Variants in FAM222B observed in about 807,000 individuals in gnomAD.
FAM222B encodes the protein protein FAM222B.
In FAM222B, 12 loss-of-function variants were observed where a neutral mutation model predicts 38.0. The observed-to-expected ratio is 0.32, with a 90% CI of 0.20 to 0.51. The LOEUF (loss-of-function observed/expected upper bound fraction) is 0.51. Among genes scored for constraint, FAM222B ranks in the 20% least tolerant of loss-of-function variants. The pLI, the probability that FAM222B is intolerant of heterozygous loss-of-function variation, is 0.97. For synonymous variants in FAM222B, 329 were observed against 317.2 expected (o/e 1.04, Z -0.40); for missense variants, 716 against 754.2 (o/e 0.95, Z 0.59).
intron 1 of FAM222B, among the ~76,000 whole-genome samples, chr17:28,825,317 TC>T (rs1347240498): frequency 2.6e-5 from 4 of 150,948 alleles, no homozygotes; most frequent in Non-Finnish European, 5.9e-5. Context: ...GCACCTATGG[TC>T]CCAGCTACTT....
At chr17:28,827,302 G>T (rs1432707321) in intron 1 of FAM222B, among the ~76,000 whole-genome samples, 1 of 152,002 alleles carries the variant, frequency 6.6e-6, no homozygotes, top group Non-Finnish European at 1.5e-5. Flanking sequence ...AAGCTGCAGT[G>T]AGCTATGACA....
upstream of FAM222B, among the ~76,000 whole-genome samples, chr17:28,845,934 T>C (rs2152635737): frequency 6.6e-6 from 1 of 150,644 alleles, no homozygotes; most frequent in East Asian, 2.0e-4. Flanking sequence ...TTGGGCCTGG[T>C]GGCTCACGCC....
chr17:28,761,055 G>A (rs954270011), intron 2 of FAM222B, among the ~76,000 whole-genome samples: 1 of 152,172 alleles, frequency 6.6e-6, no homozygotes, highest in South Asian at 2.1e-4. Flanking sequence ...GTCTGTATTT[G>A]GTCCATGTCA....
At chr17:28,813,448 G>A (rs1024867050) in intron 1 of FAM222B, among the ~76,000 whole-genome samples, 5 of 152,162 alleles carry the variant, frequency 3.3e-5, no homozygotes, top group Middle Eastern at 3.4e-3. Flanking sequence ...ATAATAATAA[G>A]CAACAGTTGA....
At chr17:28,814,829 A>G (rs1287012379) in intron 1 of FAM222B, among the ~76,000 whole-genome samples, 1 of 144,868 alleles carries the variant, frequency 6.9e-6, no homozygotes, top group Non-Finnish European at 1.5e-5. Context: ...GCTGGAGTGC[A>G]ACAGCACAAT....
chr17:28,765,677 G>A (rs902155132), intron 2 of FAM222B, among the ~76,000 whole-genome samples: 1 of 152,152 alleles, frequency 6.6e-6, no homozygotes, highest in African/African-American at 2.4e-5. Context: ...GGGAGAGAAG[G>A]TAGGAAGGAG....
At chr17:28,830,990 CTTTTTT>C (rs56073818) in intron 1 of FAM222B, among the ~76,000 whole-genome samples, 142 of 117,734 alleles carry the variant, frequency 1.2e-3, no homozygotes, top group Middle Eastern at 4.3e-3. Context: ...GTGAATGTTT[CTTTTTT>C]TTTTTTTTTT....
chr17:28,825,060 G>A (rs1050491323), intron 1 of FAM222B, among the ~76,000 whole-genome samples: 7 of 151,700 alleles, frequency 4.6e-5, no homozygotes, highest in Admixed American at 2.0e-4. Context: ...CACTGTGCCC[G>A]CACTACAATC....
At chr17:28,764,390 C>T (rs752186542) in intron 2 of FAM222B, among the ~76,000 whole-genome samples, 2 of 151,914 alleles carry the variant, frequency 1.3e-5, no homozygotes, top group African/African-American at 2.4e-5. Context: ...TGCAGTGAGC[C>T]GAGATCGTGC....
At chr17:28,853,895 A>G (rs2039202467) in intron 1 of FAM222B, among the ~76,000 whole-genome samples, 1 of 151,414 alleles carries the variant, frequency 6.6e-6, no homozygotes, top group South Asian at 2.1e-4. Context: ...TGACTCTAAG[A>G]ACCTTCCTTC....
chr17:28,810,439 CTGTTTTATATACTAGCTAACTT>C (rs71135855), intron 1 of FAM222B, among the ~76,000 whole-genome samples: 99,919 of 130,020 alleles, frequency 0.77, 47,169 homozygotes, highest in African/African-American at 0.9. Flanking sequence ...CTAGCTAACT[CTGTTTTATATACTAGCTAACTT>C]TGTTTTATAT....
At chr17:28,787,056 T>C (rs574401640) in intron 1 of FAM222B, among the ~76,000 whole-genome samples, 279 of 152,024 alleles carry the variant, frequency 1.8e-3, no homozygotes, top group African/African-American at 6.7e-3. Context: ...TCCTGAGTAG[T>C]TGAGACTACA....
chr17:28,790,884 CT>C (rs60664262), intron 1 of FAM222B, among the ~76,000 whole-genome samples: 6,495 of 85,382 alleles, frequency 0.076, 1,841 homozygotes, highest in Non-Finnish European at 0.11. Flanking sequence ...AATTGTTTCA[CT>C]TTTTTTTTTT....
chr17:28,851,118 C>T (rs930907636), intron 1 of FAM222B, among the ~76,000 whole-genome samples: 4 of 151,546 alleles, frequency 2.6e-5, no homozygotes, highest in African/African-American at 9.7e-5. Flanking sequence ...GACTCCATCT[C>T]AAAACAAAAC....
chr17:28,792,725 G>A (rs1258874895), intron 1 of FAM222B, among the ~76,000 whole-genome samples: 1 of 149,712 alleles, frequency 6.7e-6, no homozygotes, highest in African/African-American at 2.5e-5. Context: ...AAGTTGCAGT[G>A]AGCCAACATC....
At chr17:28,772,561 A>G (rs1233401265) in intron 1 of FAM222B, among the ~76,000 whole-genome samples, 2 of 25,118 alleles carry the variant, frequency 8.0e-5, no homozygotes, top group African/African-American at 1.1e-4. Flanking sequence ...CATCTCTACT[A>G]AAAAAAAAAT....
chr17:28,756,911 AAAGGT>A lies in FAM222B; in HGVS notation c.*1354_*1358del, dbSNP rs1307257300. The A allele has an allele frequency of 4.6e-5, 7 of 152,470 alleles. No homozygotes were observed. The highest frequency in any genetic ancestry group is 1.7e-4 in the African/African-American group (7 of 41,450). 9.4% of individuals were successfully genotyped at this position (152,470 alleles called of 1,614,324 possible). On this transcript the variant is annotated 3_prime_UTR_variant, in exon 3 of 3. Transcript: ENST00000581407. The stretch of plus-strand genomic sequence containing the variant: ...GCTGACATTCCCCAGAGACAAGAGG[AAAGGT>A]AAGGGCTTATTTCATCTGTAAAAAA...
At position 28,798,645 on chromosome 17, in the gene FAM222B, T is replaced by C. The variant is rs972793144; in HGVS notation, c.-40-31938A>G. Among the ~76,000 whole-genome samples the C allele has an allele frequency of 2.2e-4, 34 of 152,002 alleles. No individual in the cohort carries two copies. In the East Asian group the frequency reaches 2.5e-3, roughly 11 times the overall value. ...ACTTAGGCACTTGCACCCCCTTTTT[T>C]TTTTTTTGAAACGGAGTCTTGCTCT... is the stretch of plus-strand genomic sequence containing the variant. On this transcript the variant is annotated intron_variant, in intron 1 of 2. Transcript: ENST00000581407.
rs921222922 is a variant in FAM222B at position 28,758,855 on chromosome 17, G to T, written c.1104C>A (p.His368Gln). Residue 368 changes from histidine to glutamine, a missense_variant, in exon 3 of 3, where the codon CAC becomes CAA. His to Gln is a conservative substitution (Grantham distance 24). Transcript: ENST00000581407. ...ACATCTGCTGTAGGTGGGCCAGCTGGTGCTGGTTCCAGGTGACTGGCTTGA... is the reference window on the plus strand; with the variant it reads ...ACATCTGCTGTAGGTGGGCCAGCTGTTGCTGGTTCCAGGTGACTGGCTTGA... ...SDLKPVTWNQ[H>Q]QLAHLQQMCS... 6.2e-7 allele frequency: 1 copy of T among 1,605,380 alleles called. No homozygotes were observed. Among genetic ancestry groups the T allele is most frequent in the East Asian group, 2.2e-5 (1 of 44,558 alleles).
Sources: gnomAD v4.1 joint callset for allele counts (sites outside exome capture counted in the v4.1 genomes callset) on GRCh38, gnomAD v4.1.1 for gene constraint, MANE v1.5 for transcripts, NCBI Gene and HGNC (gene_info 2026-07-23, HGNC 2026-07-21) for gene names.